Variants in ARFGAP3 observed in about 807,000 individuals in gnomAD.
ARFGAP3 encodes ADP-ribosylation factor GTPase-activating protein 3.
A neutral mutation model predicts 75.0 loss-of-function variants in ARFGAP3; 72 were observed. The ratio of observed to expected loss-of-function variants is 0.96; its 90% CI spans 0.79 to 1.17. The LOEUF is 1.17. Among genes scored for constraint, ARFGAP3 ranks in the 50% most tolerant of loss-of-function variants. The pLI is 0.00. For missense variants in ARFGAP3, 620 were observed against 626.6 expected (o/e 0.99, Z 0.11); for synonymous variants, 221 against 217.9 (o/e 1.01, Z -0.13).
intron 14 of ARFGAP3, among the ~76,000 whole-genome samples, chr22:42,800,518 G>A (rs907198058): frequency 1.3e-5 from 2 of 152,138 alleles, no homozygotes; most frequent in East Asian, 1.9e-4. Flanking sequence ...GTGACAGAGC[G>A]AGACCCCATC....
intron 5 of ARFGAP3, 26 bp from the exon 6 acceptor site, chr22:42,831,662 A>G (rs1256282408): frequency 1.2e-6 from 2 of 1,612,856 alleles, no homozygotes; most frequent in Non-Finnish European, 1.7e-6. Context: ...AAAAGTCATT[A>G]GCAGACAAAG....
At chr22:42,845,220 T>G (rs1282623723) in intron 2 of ARFGAP3, among the ~76,000 whole-genome samples, 1 of 150,836 alleles carries the variant, frequency 6.6e-6, no homozygotes, top group African/African-American at 2.4e-5. Context: ...TAACTGGTAA[T>G]GATCAATCTG....
chr22:42,809,401 T>C (rs6002954), intron 12 of ARFGAP3, among the ~76,000 whole-genome samples: 6,135 of 152,232 alleles, frequency 0.04, 178 homozygotes, highest in African/African-American at 0.08. Flanking sequence ...GAGGAATGAA[T>C]ACAAGAATGA....
intron 5 of ARFGAP3, among the ~76,000 whole-genome samples, chr22:42,833,030 A>G (rs1332435079): frequency 1.3e-5 from 2 of 152,036 alleles, no homozygotes; most frequent in African/African-American, 4.8e-5. Context: ...GAAAGGGCCA[A>G]ATAGTAAATA....
In ARFGAP3 at chr22:42,817,717, A is replaced by C. The variant is rs1374395935; in HGVS notation, c.941+12T>G. On this transcript the variant is annotated intron_variant, in intron 10 of 15. Transcript: ENST00000263245. The stretch of plus-strand genomic sequence containing the variant: ...TTTTAAATTCTAACTCCAAGAAAGC[A>C]GTCTCACATACCTTCTGCAATTTCC... 6.3e-7 allele frequency: 1 copy of C among 1,589,342 alleles called. No individual in the cohort carries two copies. Among genetic ancestry groups the C allele is most frequent in the East Asian group, 2.2e-5 (1 of 44,618 alleles).
chr22:42,824,007 C>T (rs1925926265), intron 7 of ARFGAP3, among the ~76,000 whole-genome samples: 1 of 82,412 alleles, frequency 1.2e-5, no homozygotes, highest in African/African-American at 8.5e-5. Flanking sequence ...TCTTCAGGAG[C>T]ATTTAAAAAA....
In ARFGAP3 at chr22:42,817,951, T is replaced by A. The variant is rs1035671218; in HGVS notation, c.813-94A>T. 3.1e-5 allele frequency: 41 copies of A among 1,329,724 alleles called. No individual in the cohort carries two copies. In the African/African-American group the frequency reaches 4.9e-4, roughly 16 times the overall value. The allele number at this position is 1,329,724 out of a possible 1,614,324, so 82.4% of individuals were successfully genotyped here. ...AAATTAAACATGTAATTTATACTTT[T>A]AGCTTCATGATTCTTTCCATAATTA... On this transcript the variant is annotated intron_variant, in intron 9 of 15. Coordinates refer to ENST00000263245, the MANE Select transcript of ARFGAP3 (RefSeq NM_014570.5).
At chr22:42,800,894 G>A (rs902749585) in intron 14 of ARFGAP3, among the ~76,000 whole-genome samples, 1 of 152,212 alleles carries the variant, frequency 6.6e-6, no homozygotes, top group African/African-American at 2.4e-5. Flanking sequence ...CTCAGGAAGA[G>A]CGTCCTTGAC....
intron 6 of ARFGAP3, among the ~76,000 whole-genome samples, chr22:42,828,129 T>C (rs982270055): frequency 1.3e-5 from 2 of 149,726 alleles, no homozygotes; most frequent in African/African-American, 5.0e-5. Context: ...TACTAAAAAA[T>C]ACAAAGATGA....
chr22:42,838,839 G>A (rs921655000), intron 3 of ARFGAP3, among the ~76,000 whole-genome samples: 9 of 152,138 alleles, frequency 5.9e-5, no homozygotes, highest in African/African-American at 1.9e-4. Context: ...GGCCGGGCGC[G>A]GTGGCTCATG....
Position 42,799,056 on chromosome 22 carries a change from C to T in ARFGAP3, c.1516G>A (p.Val506Ile). The T allele has an allele frequency of 6.2e-7, 1 of 1,614,172 alleles. No individual in the cohort carries two copies. The highest frequency in any genetic ancestry group is 8.5e-7 in the Non-Finnish European group (1 of 1,180,042). ...CCACTGACCTGAATTGAAGTCACGA[C>T]TCCATTAGCAAAGACGGAGAGTTTT... Reference protein sequence around the residue: ...AGKLSVFANGVVTSIQDRYGS With the variant: ...AGKLSVFANGIVTSIQDRYGS The change falls in exon 15 of 16, where the codon GTC becomes ATC. Residue 506 changes from valine to isoleucine, a missense_variant. Val to Ile is a conservative substitution (Grantham distance 29, BLOSUM62 3). Transcript: ENST00000263245.
At chr22:42,807,031 C>T (rs758308235) in intron 14 of ARFGAP3, 42 bp downstream of exon 14, 36 of 1,550,518 alleles carry the variant, frequency 2.3e-5, no homozygotes, top group Non-Finnish European at 2.6e-5. Context: ...GTGTTCATAC[C>T]GTAGACATGA....
intron 8 of ARFGAP3, 86 bp downstream of exon 8, chr22:42,823,570 A>G: frequency 9.8e-7 from 1 of 1,018,676 alleles, no homozygotes; most frequent in Non-Finnish European, 1.4e-6. Context: ...AGATGGTTCA[A>G]AAGAATAAAA....
intron 14 of ARFGAP3, 147 bp from the exon 15 acceptor site, chr22:42,799,307 C>T (rs1276917321): frequency 4.2e-6 from 6 of 1,423,310 alleles, no homozygotes; most frequent in South Asian, 1.4e-5. Context: ...GATGGAGACT[C>T]GGGCTGAAGT....
intron 3 of ARFGAP3, among the ~76,000 whole-genome samples, chr22:42,838,038 A>T (rs1471205074): frequency 1.3e-5 from 2 of 151,738 alleles, no homozygotes; most frequent in African/African-American, 4.8e-5. Context: ...AATCTTAGTT[A>T]TTACAATGGT....
intron 12 of ARFGAP3, among the ~76,000 whole-genome samples, chr22:42,809,813 C>T (rs974982708): frequency 1.3e-5 from 2 of 151,658 alleles, no homozygotes; most frequent in African/African-American, 4.8e-5. Flanking sequence ...ACCATCCTTG[C>T]TAACATGGTG....
chr22:42,828,091 C>A (rs1228028642), intron 6 of ARFGAP3, among the ~76,000 whole-genome samples: 1 of 151,536 alleles, frequency 6.6e-6, no homozygotes, highest in African/African-American at 2.4e-5. Context: ...TTGAGACCAG[C>A]CTGACCAACA....
Position 42,797,592 on chromosome 22 carries a change from G to C in ARFGAP3, c.1547C>G (p.Ser516Cys), listed in dbSNP as rs377540024. The C allele has an allele frequency of 3.2e-5, 52 of 1,613,978 alleles. No individual in the cohort carries two copies. Among genetic ancestry groups the C allele is most frequent in the Non-Finnish European group, 3.6e-5 (43 of 1,179,998 alleles). Residue 516 changes from serine to cysteine, a missense_variant, in exon 16 of 16, where the codon TCT (serine) becomes TGT (cysteine). By Grantham distance (112) the Ser-to-Cys change is moderately radical (BLOSUM62 -1). Coordinates refer to ENST00000263245, the MANE Select transcript of ARFGAP3 (RefSeq NM_014570.5). ...ATACACATCATGACTTCAGTATTAA[G>C]AACCGTAGCGATCCTGAAGAGAGAA... is the stretch of plus-strand genomic sequence containing the variant. Reference protein sequence around the residue: ...VVTSIQDRYGS With the variant: ...VVTSIQDRYGC
chr22:42,822,167 C>G, intron 9 of ARFGAP3, 103 bp downstream of exon 9: 2 of 894,378 alleles, frequency 2.2e-6, no homozygotes, highest in Non-Finnish European at 3.5e-6. Context: ...GCAGTACCCT[C>G]CCTTCCCCCC....
Sources: allele counts gnomAD v4.1 joint callset (sites outside exome capture counted in the v4.1 genomes callset), GRCh38; gene constraint gnomAD v4.1.1; transcripts MANE v1.5; gene names NCBI Gene and HGNC (gene_info 2026-07-23, HGNC 2026-07-21).